Variants in FBLN2 observed in about 807,000 individuals in gnomAD.
The protein encoded by FBLN2 is fibulin 2.
In FBLN2, 81 loss-of-function variants were observed where a neutral mutation model predicts 123.7. The observed-to-expected ratio is 0.65, with a 90% CI of 0.55 to 0.79. The LOEUF (loss-of-function observed/expected upper bound fraction) is 0.79, where lower values mean the gene tolerates loss of function less well. Among genes scored for constraint, FBLN2 ranks in the 30% least tolerant of loss-of-function variants. The pLI is 0.00. For missense variants in FBLN2, 1,603 were observed against 1,681.3 expected (o/e 0.95, Z 0.81); for synonymous variants, 699 against 701.4 (o/e 1.00, Z 0.05).
chr3:13,631,330 C>G lies in FBLN2; in HGVS notation c.3087C>G (p.Asp1029Glu). Residue 1029 changes from aspartate to glutamate, a missense_variant and splice_region_variant, in exon 16 of 18, where the codon GAC becomes GAG. Coordinates refer to ENST00000404922, the MANE Select transcript of FBLN2 (RefSeq NM_001004019.2). Reference sequence around the variant, plus strand: ...AGGGGCTGAACCTCTCTCTGACAGACATCGACGAGTGTGCTCAAGGCGCCG... The same window carrying G: ...AGGGGCTGAACCTCTCTCTGACAGAGATCGACGAGTGTGCTCAAGGCGCCG... ...QLAEDGHTCTDIDECAQGAGI... is the reference protein window; with the variant it reads ...QLAEDGHTCTEIDECAQGAGI... 6.2e-7 allele frequency: 1 copy of G among 1,601,916 alleles called. No homozygotes were observed. The highest frequency in any genetic ancestry group is 8.5e-7 in the Non-Finnish European group (1 of 1,174,896).
intron 1 of FBLN2, among the ~76,000 whole-genome samples, chr3:13,565,505 G>A (rs183004920): frequency 2.6e-5 from 4 of 152,354 alleles, no homozygotes; most frequent in Admixed American, 6.5e-5. Context: ...TCACGCTTGT[G>A]ATCCCAGCAC....
At chr3:13,624,109 C>A (rs1050853708) in intron 9 of FBLN2, among the ~76,000 whole-genome samples, 2 of 152,162 alleles carry the variant, frequency 1.3e-5, no homozygotes, top group African/African-American at 4.8e-5. Context: ...AGCTCTGAGC[C>A]CCCCATGAAG....
intron 1 of FBLN2, among the ~76,000 whole-genome samples, chr3:13,558,140 C>G (rs1261491643): frequency 6.6e-6 from 1 of 152,210 alleles, no homozygotes; most frequent in East Asian, 1.9e-4. Context: ...CTGCCCGCTC[C>G]CCTGGCTGCT....
At chr3:13,635,396 A>ACACACC (rs1319963985) in intron 16 of FBLN2, among the ~76,000 whole-genome samples, 3 of 151,642 alleles carry the variant, frequency 2.0e-5, no homozygotes, top group African/African-American at 7.3e-5. Flanking sequence ...ACACACACAC[A>ACACACC]CACCCACACA....
chr3:13,610,897 A>AATTATTATTATTATT (rs112793079), intron 4 of FBLN2, among the ~76,000 whole-genome samples: 3,238 of 144,802 alleles, frequency 0.022, 49 homozygotes, highest in South Asian at 0.034. Flanking sequence ...CCTTGTTTTA[A>AATTATTATTATTATT]ATTATTATTA....
intron 2 of FBLN2, among the ~76,000 whole-genome samples, chr3:13,582,845 A>G (rs1459566069): frequency 6.6e-6 from 1 of 152,160 alleles, no homozygotes; most frequent in African/African-American, 2.4e-5. Context: ...GAGGGATGAG[A>G]AGAGGGCTTT....
intron 2 of FBLN2, among the ~76,000 whole-genome samples, chr3:13,598,334 G>A (rs564176259): frequency 2.1e-3 from 322 of 152,326 alleles, no homozygotes; most frequent in Non-Finnish European, 3.8e-3. Flanking sequence ...TTACAAGCAA[G>A]GAAATGGAGG....
intron 1 of FBLN2, among the ~76,000 whole-genome samples, chr3:13,563,341 G>C (rs762648793): frequency 1.3e-5 from 2 of 152,244 alleles, no homozygotes; most frequent in African/African-American, 4.8e-5. Context: ...GCTCACACCT[G>C]TGCCTTCTCC....
intron 2 of FBLN2, among the ~76,000 whole-genome samples, chr3:13,576,896 A>T (rs1273719480): frequency 6.6e-6 from 1 of 152,190 alleles, no homozygotes; most frequent in Non-Finnish European, 1.5e-5. Flanking sequence ...GTCCATGGGA[A>T]TTATCTGCTG....
chr3:13,549,191 C>G lies in FBLN2; in HGVS notation c.-59C>G, dbSNP rs1703256727. ...GCCGGGCGGACGGACGGACGGACGCCGAGCGCAGTGCCCCGCGGTGAGTGC... is the reference window on the plus strand; with the variant it reads ...GCCGGGCGGACGGACGGACGGACGCGGAGCGCAGTGCCCCGCGGTGAGTGC... On this transcript the variant is annotated 5_prime_UTR_variant, in exon 1 of 18. Coordinates refer to ENST00000404922, the MANE Select transcript of FBLN2 (RefSeq NM_001004019.2). 1 of 982,830 alleles carries G rather than the reference C, an allele frequency of 1.0e-6. No individual in the cohort carries two copies. Among genetic ancestry groups the G allele is most frequent in the South Asian group, 4.7e-5 (1 of 21,282 alleles). 60.9% of individuals were successfully genotyped at this position (982,830 alleles called of 1,614,324 possible). A position where few individuals can be genotyped will look rare whatever the true frequency, so the allele number is the denominator to read the frequency against.
At position 13,570,415 on chromosome 3, in the gene FBLN2, G is replaced by T; in HGVS notation, c.60G>T (p.Leu20=). The change falls in exon 2 of 18, where the codon CTG becomes CTT. Residue 20 remains leucine, a synonymous_variant. Coordinates refer to ENST00000404922, the MANE Select transcript of FBLN2 (RefSeq NM_001004019.2). ...TTGCTCTGGGCCTGGCCCTGGCCCT[G>T]GGCCCCAGCGTGGCCGCAGCTGCCC... ...AWLALGLALA[L]GPSVAAAAPR... 1 of 1,576,652 alleles carries T rather than the reference G, an allele frequency of 6.3e-7. No homozygotes were observed. The highest frequency in any genetic ancestry group is 8.6e-7 in the Non-Finnish European group (1 of 1,162,512).
chr3:13,568,209 C>T (rs1019611418), intron 1 of FBLN2, among the ~76,000 whole-genome samples: 5 of 152,206 alleles, frequency 3.3e-5, no homozygotes, highest in African/African-American at 1.2e-4. Context: ...TGGGCATGGG[C>T]TTCCATCTCC....
At chr3:13,589,856 C>G (rs573793987) in intron 2 of FBLN2, among the ~76,000 whole-genome samples, 1 of 152,196 alleles carries the variant, frequency 6.6e-6, no homozygotes, top group Admixed American at 6.5e-5. Context: ...GTTAATGTCT[C>G]CTGAGTTTCC....
At chr3:13,603,865 C>G (rs939321245) in intron 2 of FBLN2, among the ~76,000 whole-genome samples, 14 of 152,132 alleles carry the variant, frequency 9.2e-5, no homozygotes, top group Admixed American at 5.9e-4. Context: ...AGTGTAAAAG[C>G]GTTCCTATTT....
At chr3:13,619,964 A>C in intron 8 of FBLN2, 133 bp downstream of exon 8, 1 of 632,534 alleles carries the variant, frequency 1.6e-6, no homozygotes. Flanking sequence ...TATGATGAGC[A>C]CCCCTAGTGG....
At chr3:13,575,416 G>A (rs928805578) in intron 2 of FBLN2, among the ~76,000 whole-genome samples, 1 of 152,046 alleles carries the variant, frequency 6.6e-6, no homozygotes, top group Non-Finnish European at 1.5e-5. Flanking sequence ...TCCATTCCCT[G>A]CACACCAAAC....
At chr3:13,609,392 C>A in intron 3 of FBLN2, 121 bp from the exon 4 acceptor site, 1 of 1,177,826 alleles carries the variant, frequency 8.5e-7, no homozygotes, top group Non-Finnish European at 1.2e-6. Flanking sequence ...GGCTCTGCCA[C>A]CTGCACCGGC....
chr3:13,632,717 C>CA (rs1435884929), intron 16 of FBLN2, among the ~76,000 whole-genome samples: 1 of 152,094 alleles, frequency 6.6e-6, no homozygotes, highest in Non-Finnish European at 1.5e-5. Context: ...GCAAACGTAT[C>CA]AGAGTCGTAA....
At chr3:13,568,665 C>T (rs940312706) in intron 1 of FBLN2, 14 of 401,200 alleles carry the variant, frequency 3.5e-5, no homozygotes, top group Non-Finnish European at 1.2e-5. Context: ...TGACGCCCTC[C>T]TCAGAGAAGC....
Sources: gnomAD v4.1 joint callset for allele counts (sites outside exome capture counted in the v4.1 genomes callset) on GRCh38, gnomAD v4.1.1 for gene constraint, MANE v1.5 for transcripts, NCBI Gene and HGNC (gene_info 2026-07-23, HGNC 2026-07-21) for gene names.